Variants in NELL1 observed in about 807,000 individuals in gnomAD.
NELL1 encodes the protein protein kinase C-binding protein NELL1.
A neutral mutation model predicts 107.4 loss-of-function variants in NELL1; 76 were observed. That is an observed-to-expected ratio of 0.71 (90% CI 0.59 to 0.86). NELL1 has a LOEUF of 0.86. Among genes scored for constraint, NELL1 ranks in the 40% least tolerant of loss-of-function variants. The pLI, the probability that NELL1 is intolerant of heterozygous loss-of-function variation, is 0.00. For synonymous variants in NELL1, 353 were observed against 341.2 expected (o/e 1.03, Z -0.38); for missense variants, 1,024 against 1,005.5 (o/e 1.02, Z -0.25).
intron 4 of NELL1, among the ~76,000 whole-genome samples, chr11:20,872,674 G>GTA (rs1198693356): frequency 7.6e-6 from 1 of 131,210 alleles, no homozygotes; most frequent in East Asian, 2.1e-4. Context: ...TGTTTGAGGT[G>GTA]TGTGTGTGTG....
intron 2 of NELL1, among the ~76,000 whole-genome samples, chr11:20,750,311 G>A (rs901719347): frequency 1.3e-4 from 19 of 151,824 alleles, no homozygotes; most frequent in African/African-American, 4.4e-4. Flanking sequence ...TCTTTATTCT[G>A]GCTGCAAGTT....
At chr11:21,400,811 C>A (rs1458396651) in intron 15 of NELL1, among the ~76,000 whole-genome samples, 1 of 151,900 alleles carries the variant, frequency 6.6e-6, no homozygotes, top group East Asian at 2.0e-4. Context: ...TGTATGCCCA[C>A]CTGCTTCATA....
intron 13 of NELL1, among the ~76,000 whole-genome samples, chr11:21,184,689 G>A (rs966953267): frequency 2.6e-5 from 4 of 151,564 alleles, no homozygotes; most frequent in African/African-American, 4.9e-5. Flanking sequence ...TCCTACAAAA[G>A]CATTTAATTT....
chr11:21,389,414 A>T (rs1851817111), intron 15 of NELL1, among the ~76,000 whole-genome samples: 2 of 151,984 alleles, frequency 1.3e-5, no homozygotes, highest in South Asian at 2.1e-4. Flanking sequence ...AACCTTTAGC[A>T]GAATCATTAT....
At chr11:21,523,082 C>T (rs1212958609) in intron 15 of NELL1, among the ~76,000 whole-genome samples, 3 of 151,876 alleles carry the variant, frequency 2.0e-5, no homozygotes, top group African/African-American at 2.4e-5. Context: ...CTCCTGACCT[C>T]GTGATCCGCC....
intron 13 of NELL1, among the ~76,000 whole-genome samples, chr11:21,175,356 A>G (rs1856690298): frequency 6.6e-6 from 1 of 151,728 alleles, no homozygotes; most frequent in African/African-American, 2.4e-5. Context: ...TCGAGAGTCA[A>G]TGTTAGAGCT....
intron 2 of NELL1, among the ~76,000 whole-genome samples, chr11:20,686,553 AG>A (rs202063184): frequency 0.013 from 2,011 of 152,278 alleles, 36 homozygotes; most frequent in African/African-American, 0.046. Flanking sequence ...TGGACAAAAA[AG>A]GGAAAGTGAT....
At chr11:20,887,737 A>G (rs1849538959) in intron 5 of NELL1, among the ~76,000 whole-genome samples, 2 of 152,220 alleles carry the variant, frequency 1.3e-5, no homozygotes, top group Non-Finnish European at 2.9e-5. Flanking sequence ...ATGAAGCTCA[A>G]TAAAGTATAT....
At chr11:20,922,840 T>C (rs562362669) in intron 7 of NELL1, among the ~76,000 whole-genome samples, 4 of 152,260 alleles carry the variant, frequency 2.6e-5, no homozygotes, top group South Asian at 4.1e-4. Flanking sequence ...ATATGTAAAA[T>C]GGTGACAATT....
At chr11:21,309,291 TA>T (rs1198398890) in intron 14 of NELL1, among the ~76,000 whole-genome samples, 5 of 78,836 alleles carry the variant, frequency 6.3e-5, no homozygotes, top group Non-Finnish European at 1.2e-4. Flanking sequence ...TATATATATA[TA>T]TATATATGTA....
At chr11:21,239,491 T>A (rs894242125) in intron 14 of NELL1, among the ~76,000 whole-genome samples, 5 of 152,060 alleles carry the variant, frequency 3.3e-5, no homozygotes, top group African/African-American at 1.2e-4. Flanking sequence ...CTGGCCTAGT[T>A]GTGACCAGTG....
intron 5 of NELL1, among the ~76,000 whole-genome samples, chr11:20,892,478 G>A (rs1849636636): frequency 6.6e-6 from 1 of 152,332 alleles, no homozygotes; most frequent in South Asian, 2.1e-4. Flanking sequence ...CTTTTACACT[G>A]TTGGTGGGAA....
At chr11:20,897,735 AC>A (rs1849778829) in intron 5 of NELL1, among the ~76,000 whole-genome samples, 1 of 152,126 alleles carries the variant, frequency 6.6e-6, no homozygotes, top group Admixed American at 6.5e-5. Flanking sequence ...AAAACAAACA[AC>A]CCCATCAACA....
intron 12 of NELL1, among the ~76,000 whole-genome samples, chr11:20,982,910 C>T (rs553084202): frequency 6.6e-6 from 1 of 152,324 alleles, no homozygotes; most frequent in East Asian, 1.9e-4. Context: ...AAACCTCCAA[C>T]AAATTTACCT....
intron 3 of NELL1, among the ~76,000 whole-genome samples, chr11:20,810,035 A>C (rs1040468673): frequency 1.7e-4 from 26 of 151,570 alleles, no homozygotes; most frequent in Non-Finnish European, 3.1e-4. Context: ...GCTATCTTTT[A>C]ATTTTTTGAG....
intron 12 of NELL1, among the ~76,000 whole-genome samples, chr11:21,065,501 G>GA (rs1050293445): frequency 6.6e-6 from 1 of 152,036 alleles, no homozygotes; most frequent in Non-Finnish European, 1.5e-5. Flanking sequence ...TTAAGAGGCT[G>GA]AAAAAAAGAC....
Position 21,176,412 on chromosome 11 carries a change from A to G in NELL1, c.1427-52920A>G, listed in dbSNP as rs549605956. Among the ~76,000 whole-genome samples, 139 of 151,920 alleles carry G rather than the reference A, an allele frequency of 9.1e-4. 1 individual carries two copies. Among genetic ancestry groups the G allele is most frequent in the African/African-American group, 3.3e-3 (137 of 41,224 alleles). ...ACTCGCATGGGATTATTGGAAAGTG[A>G]TGGCAGTTATATTTCTACATCATGG... On this transcript the variant is annotated intron_variant, in intron 13 of 19. Coordinates refer to ENST00000357134, the MANE Select transcript of NELL1 (RefSeq NM_006157.5).
At chr11:20,912,810 CAT>C (rs1850161256) in intron 5 of NELL1, among the ~76,000 whole-genome samples, 1 of 152,110 alleles carries the variant, frequency 6.6e-6, no homozygotes, top group Admixed American at 6.6e-5. Context: ...AGATGGTAAA[CAT>C]ATGTTTATAG....
chr11:21,115,567 GT>G (rs11459831), intron 13 of NELL1, among the ~76,000 whole-genome samples: 155 of 151,256 alleles, frequency 1.0e-3, no homozygotes, highest in Non-Finnish European at 1.8e-3. Flanking sequence ...TTTTATGTGA[GT>G]TTTTTTTTAT....
Sources: gnomAD v4.1 joint callset for allele counts (sites outside exome capture counted in the v4.1 genomes callset) on GRCh38, gnomAD v4.1.1 for gene constraint, MANE v1.5 for transcripts, NCBI Gene and HGNC (gene_info 2026-07-23, HGNC 2026-07-21) for gene names.